PFAS: variants seen among roughly 807,000 people sequenced by gnomAD.
The protein encoded by PFAS is phosphoribosylformylglycinamidine synthase, also known as FGAM synthase.
A neutral mutation model predicts 140.6 loss-of-function variants in PFAS; 97 were observed. The ratio of observed to expected loss-of-function variants is 0.69; its 90% CI spans 0.59 to 0.82. The LOEUF (loss-of-function observed/expected upper bound fraction) is 0.82. Among genes scored for constraint, PFAS ranks in the 40% least tolerant of loss-of-function variants. PFAS has a pLI of 0.00. For synonymous variants in PFAS, 679 were observed against 718.8 expected (o/e 0.94, Z 0.88); for missense variants, 1,656 against 1,780.2 (o/e 0.93, Z 1.26).
Position 8,267,959 on chromosome 17 carries a change from T to C in PFAS, c.3382+294T>C, listed in dbSNP as rs1989891296. ...GTATATTATTTATATATTATTAAAA[T>C]ATATATTATTTATATATATTATTTA... On this transcript the variant is annotated intron_variant, in intron 26 of 27. Transcript: ENST00000314666. This position sits in a 1 kb window ranked among gnomAD's most constrained non-coding sequence, Gnocchi z 4.9. Among the ~76,000 whole-genome samples, 1 of 144,078 alleles carries C rather than the reference T, an allele frequency of 6.9e-6. No individual in the cohort carries two copies. The highest frequency in any genetic ancestry group is 2.1e-4 in the South Asian group (1 of 4,746). 94.5% of individuals were successfully genotyped at this position (144,078 alleles called of 152,430 possible).
chr17:8,251,845 G>A (rs1567633409), intron 1 of PFAS, among the ~76,000 whole-genome samples: 1 of 151,406 alleles, frequency 6.6e-6, no homozygotes. Flanking sequence ...CTAATTTTTT[G>A]TATTTTTAAT....
In PFAS at chr17:8,254,067, G is replaced by C. The variant is rs748475399; in HGVS notation, c.130G>C (p.Val44Leu). 4.3e-6 allele frequency: 7 copies of C among 1,614,094 alleles called. No homozygotes were observed. The highest frequency in any genetic ancestry group is 5.9e-6 in the Non-Finnish European group (7 of 1,179,968). The stretch of plus-strand genomic sequence containing the variant: ...CGTCGAGACTGAACTGTGCTACAAC[G>C]TGAACTGGACAGGTTGGGCCCAGGT... ...QGVETELCYN[V>L]NWTAEALPSA... The change falls in exon 2 of 28, where the codon GTG becomes CTG. Residue 44 changes from valine to leucine, a missense_variant. Around this residue, in one of 2 missense-constraint regions of PFAS, gnomAD observed 773 missense variants for 757.3 expected, o/e 1.02. Coordinates refer to ENST00000314666, the MANE Select transcript of PFAS (RefSeq NM_012393.3).
chr17:8,256,391 TTCTG>T lies in PFAS; in HGVS notation c.807_810del (p.Phe269LeufsTer32). 1 of 1,614,034 alleles carries T rather than the reference TTCTG, an allele frequency of 6.2e-7. No individual in the cohort carries two copies. Among genetic ancestry groups the T allele is most frequent in the African/African-American group, 1.3e-5 (1 of 75,032 alleles). On this transcript the variant is annotated frameshift_variant, in exon 7 of 28. Coordinates refer to ENST00000314666, the MANE Select transcript of PFAS (RefSeq NM_012393.3). LOFTEE classifies it high-confidence loss of function. ...CTCGAACCCCAACAACGTCCTCAAA[TTCTG>T]TGATAACAGCAGGTGCTGTGCCCTA...
At position 8,265,123 on chromosome 17, in the gene PFAS, C is replaced by T. The variant is rs770447115; in HGVS notation, c.2278C>T (p.Arg760Trp). ...NLVFALVTDL[R>W]DVKCSGNWMW... ...GGTGTTTGCTCTGGTCACTGACCTC[C>T]GGGTGAGTTCTCCCACAGCTTCTAT... The change falls in exon 18 of 28, where the codon CGG becomes TGG. Residue 760 changes from arginine to tryptophan, a missense_variant and splice_region_variant. Around this residue, in one of 2 missense-constraint regions of PFAS, gnomAD observed 883 missense variants for 1,023.0 expected, o/e 0.86. Coordinates refer to ENST00000314666, the MANE Select transcript of PFAS (RefSeq NM_012393.3). 31 of 1,609,430 alleles carry T rather than the reference C, an allele frequency of 1.9e-5. No individual in the cohort carries two copies. The highest frequency in any genetic ancestry group is 3.3e-5 in the Admixed American group (2 of 59,890).
chr17:8,258,241 C>T, intron 11 of PFAS, 42 bp downstream of exon 11: 1 of 1,609,954 alleles, frequency 6.2e-7, no homozygotes, highest in Non-Finnish European at 8.5e-7. Context: ...CCAGCTTTCT[C>T]CCCAGCACAG....
chr17:8,264,661 C>G, intron 17 of PFAS, 60 bp downstream of exon 17: 1 of 1,510,598 alleles, frequency 6.6e-7, no homozygotes, highest in Non-Finnish European at 8.9e-7. Flanking sequence ...CTCTTCTGCC[C>G]TCCCACCCTT....
Position 8,267,266 on chromosome 17 carries a change from C to G in PFAS, c.3175+31C>G, listed in dbSNP as rs980463783. On this transcript the variant is annotated intron_variant, in intron 24 of 27. Transcript: ENST00000314666. The surrounding 1 kb of genome is among the most constrained non-coding windows in gnomAD (Gnocchi z 4.9). Reference sequence around the variant, plus strand: ...GGAGTGTGTGCAGAGGCTCCGCGTCCTGGGGGCACTGAGCCTGGATGCCTG... The same window carrying G: ...GGAGTGTGTGCAGAGGCTCCGCGTCGTGGGGGCACTGAGCCTGGATGCCTG... The G allele has an allele frequency of 6.3e-7, 1 of 1,591,488 alleles. No individual in the cohort carries two copies. The highest frequency in any genetic ancestry group is 1.3e-5 in the African/African-American group (1 of 74,538).
In PFAS at chr17:8,265,459, C is replaced by T. The variant is rs779350437; in HGVS notation, c.2452C>T (p.Arg818Trp). The T allele has an allele frequency of 1.1e-5, 17 of 1,613,472 alleles. No homozygotes were observed. Among genetic ancestry groups the T allele is most frequent in the South Asian group, 2.2e-5 (2 of 91,062 alleles). The change falls in exon 19 of 28, where the codon CGG becomes TGG. Residue 818 changes from arginine to tryptophan, a missense_variant. Physicochemically the swap from Arg to Trp is moderately radical, Grantham distance 101 (BLOSUM62 -3). Transcript: ENST00000314666. ...TGCTCGGGTTGGCACTGAGACCGTG[C>T]GGGCTCCTGGTGAGGTGTGGGAGCC... The part of the protein sequence containing the change: ...MAARVGTETV[R>W]APGSLVISAY...
At chr17:8,262,851 G>A (rs1336079309) in intron 11 of PFAS, 69 bp from the exon 12 acceptor site, 24 of 1,216,234 alleles carry the variant, frequency 2.0e-5, no homozygotes, top group Non-Finnish European at 2.4e-5. Context: ...CTGTGTTCAC[G>A]CTGCCTTGCT....
intron 26 of PFAS, among the ~76,000 whole-genome samples, chr17:8,268,286 T>C (rs1241139700): frequency 7.1e-6 from 1 of 141,844 alleles, no homozygotes; most frequent in East Asian, 2.1e-4. Flanking sequence ...GGCAGGAGAA[T>C]CGCTTGAACC....
chr17:8,257,880 T>C lies in PFAS; in HGVS notation c.1149T>C (p.Ile383=), dbSNP rs1454536897. ...GNFARPLEVA[I]EASNGASDYG... is the part of the protein sequence containing the mutation. ...TTGCCCGGCCCCTGGAGGTTGCCAT[T>C]GAAGCCAGTAATGGAGCTTCTGACT... The change falls in exon 10 of 28, where the codon ATT becomes ATC. Residue 383 remains isoleucine, a synonymous_variant. Transcript: ENST00000314666. 2.6e-5 allele frequency: 42 copies of C among 1,614,002 alleles called. No homozygotes were observed. The highest frequency in any genetic ancestry group is 3.6e-5 in the Non-Finnish European group (42 of 1,179,988).
intron 13 of PFAS, 62 bp downstream of exon 13, chr17:8,263,327 G>C: frequency 6.4e-7 from 1 of 1,570,928 alleles, no homozygotes; most frequent in Non-Finnish European, 8.7e-7. Context: ...GTTTCGTTTA[G>C]GGAGAGGTAT....
intron 1 of PFAS, among the ~76,000 whole-genome samples, chr17:8,250,685 G>A (rs1005624647): frequency 8.5e-5 from 13 of 152,292 alleles, no homozygotes; most frequent in African/African-American, 2.2e-4. Context: ...AGTATTAACT[G>A]TAATAGTTCT....
chr17:8,262,978 T>C lies in PFAS; in HGVS notation c.1395T>C (p.Ala465=). The C allele has an allele frequency of 1.9e-6, 3 of 1,613,970 alleles. No homozygotes were observed. The highest frequency in any genetic ancestry group is 1.7e-5 in the Admixed American group (1 of 60,022). ...ACAGGATTGGAGTTGGAGGTGGAGCTGCTTCATCTGTGCAGGTGAGTGGGA... is the reference window on the plus strand; with the variant it reads ...ACAGGATTGGAGTTGGAGGTGGAGCCGCTTCATCTGTGCAGGTGAGTGGGA... ...PVYRIGVGGG[A]ASSVQVQGDN... Residue 465 remains alanine, a synonymous_variant, in exon 12 of 28, where the codon GCT becomes GCC. Coordinates refer to ENST00000314666, the MANE Select transcript of PFAS (RefSeq NM_012393.3).
Position 8,256,546 on chromosome 17 carries a change from C to G in PFAS, c.844C>G (p.Arg282Gly), listed in dbSNP as rs375537916. ...CAGTGCAATCCAGGGAAAGGAAGTC[C>G]GATTCCTACGGCCTGAGGACCCCAC... ...NSSAIQGKEVRFLRPEDPTRP... is the reference protein window; with the variant it reads ...NSSAIQGKEVGFLRPEDPTRP... Residue 282 changes from arginine (R) to glycine (G), a missense_variant, in exon 8 of 28, where the codon CGA becomes GGA. Arg to Gly is a moderately radical substitution (Grantham distance 125, BLOSUM62 -2). Transcript: ENST00000314666. The G allele has an allele frequency of 6.2e-7, 1 of 1,614,118 alleles. No individual in the cohort carries two copies. The highest frequency in any genetic ancestry group is 1.1e-5 in the South Asian group (1 of 91,078).
chr17:8,254,433 T>A, intron 3 of PFAS, 132 bp downstream of exon 3: 2 of 1,000,360 alleles, frequency 2.0e-6, no homozygotes, highest in Non-Finnish European at 3.0e-6. Flanking sequence ...TTTCCCCATT[T>A]GGGTAGATCC....
At position 8,256,275 on chromosome 17, in the gene PFAS, G is replaced by A. The variant is rs1161339540; in HGVS notation, c.689G>A (p.Ser230Asn). The part of the protein sequence containing the change: ...FDLAQSNSEH[S>N]RHWFFKGQLH... Reference sequence around the variant, plus strand: ...TGCATCGCCCCCTGCAGCGAGCACAGCCGACACTGGTTCTTCAAGGGCCAG... The same window carrying A: ...TGCATCGCCCCCTGCAGCGAGCACAACCGACACTGGTTCTTCAAGGGCCAG... Residue 230 changes from serine to asparagine, a missense_variant, in exon 7 of 28, where the codon AGC becomes AAC. Ser to Asn is a conservative substitution (Grantham distance 46). Coordinates refer to ENST00000314666, the MANE Select transcript of PFAS (RefSeq NM_012393.3). 1 of 1,613,954 alleles carries A rather than the reference G, an allele frequency of 6.2e-7. No homozygotes were observed. The highest frequency in any genetic ancestry group is 8.5e-7 in the Non-Finnish European group (1 of 1,179,994).
At chr17:8,255,208 G>T in intron 4 of PFAS, 76 bp downstream of exon 4, 1 of 1,115,632 alleles carries the variant, frequency 9.0e-7, no homozygotes. Context: ...GAGAGAAGCA[G>T]GGACAGGTGC....
Position 8,269,280 on chromosome 17 carries a change from C to T in PFAS, c.*16C>T, listed in dbSNP as rs773574011. On this transcript the variant is annotated 3_prime_UTR_variant, in exon 28 of 28. Coordinates refer to ENST00000314666, the MANE Select transcript of PFAS (RefSeq NM_012393.3). ...GAGCTGCTGACTGGCCACAGGGGCT[C>T]ACCTGGGCCCCATGGCTTTTCACCT... 1.3e-5 allele frequency: 20 copies of T among 1,579,594 alleles called. No homozygotes were observed. Among genetic ancestry groups the T allele is most frequent in the South Asian group, 2.3e-5 (2 of 86,766 alleles).
Sources: allele counts gnomAD v4.1 joint callset (sites outside exome capture counted in the v4.1 genomes callset), GRCh38; gene constraint gnomAD v4.1.1; regional missense constraint gnomAD v4.1.1; non-coding constraint Gnocchi (gnomAD v3.1); transcripts MANE v1.5; gene names NCBI Gene and HGNC (gene_info 2026-07-23, HGNC 2026-07-21).